The following CDH4 variants were observed in gnomAD, a reference collection of about 807,000 sequenced individuals.
The protein encoded by CDH4 is cadherin-4.
In CDH4, 33 loss-of-function variants were observed where a neutral mutation model predicts 86.0. The ratio of observed to expected loss-of-function variants is 0.38; its 90% confidence interval spans 0.29 to 0.51. The LOEUF is 0.51. Ranked by LOEUF, CDH4 falls within the 20% of genes least tolerant of loss-of-function variation. The pLI is 0.86. For synonymous variants in CDH4, 555 were observed against 549.4 expected (o/e 1.01, Z -0.14); for missense variants, 1,114 against 1,307.4 (o/e 0.85, Z 2.28).
At chr20:61,354,678 C>T (rs1417381001) in intron 2 of CDH4, among the ~76,000 whole-genome samples, 1 of 152,238 alleles carries the variant, frequency 6.6e-6, no homozygotes. Context: ...CATTGCTTGC[C>T]GTGGCTGACC....
chr20:61,274,302 G>A (rs1252228024), intron 2 of CDH4, among the ~76,000 whole-genome samples: 3 of 136,790 alleles, frequency 2.2e-5, no homozygotes, highest in African/African-American at 5.6e-5. Flanking sequence ...CAGTTTGGGG[G>A]AGTACTATGT....
In CDH4 at chr20:61,810,368, C is replaced by T. The variant is rs889946054; in HGVS notation, c.577-34300C>T. Among the ~76,000 whole-genome samples the T allele has an allele frequency of 3.3e-5, 5 of 152,356 alleles. No individual in the cohort carries two copies. The South Asian group carries it at 6.2e-4, about 19-fold the overall frequency. On this transcript the variant is annotated intron_variant, in intron 4 of 15. Coordinates refer to ENST00000614565, the MANE Select transcript of CDH4 (RefSeq NM_001794.5). This position sits in a 1 kb window ranked among gnomAD's most constrained non-coding sequence, Gnocchi z 4.3. ...GTGTCTGTGACAGAGTTCCTTGTGC[C>T]ATTACCAGGACTCTTCCCAGCAAAA...
At chr20:61,856,275 T>C (rs1403722263) in intron 6 of CDH4, among the ~76,000 whole-genome samples, 1 of 152,152 alleles carries the variant, frequency 6.6e-6, no homozygotes, top group East Asian at 1.9e-4. Context: ...AAATATTGAC[T>C]CAGCTCCAGA....
chr20:61,745,804 A>G (rs1308839758), intron 3 of CDH4, among the ~76,000 whole-genome samples: 2 of 152,168 alleles, frequency 1.3e-5, no homozygotes, highest in Admixed American at 6.5e-5. Flanking sequence ...CCCGATTGTG[A>G]GCCGAGAGCA....
At chr20:61,868,547 C>A (rs1413417078) in intron 6 of CDH4, among the ~76,000 whole-genome samples, 1 of 152,200 alleles carries the variant, frequency 6.6e-6, no homozygotes, top group Non-Finnish European at 1.5e-5. Flanking sequence ...AGGCCATAAA[C>A]CCTGCTGTCA....
chr20:61,780,289 C>A (rs1179916379), intron 4 of CDH4, among the ~76,000 whole-genome samples: 15 of 152,128 alleles, frequency 9.9e-5, no homozygotes, highest in Admixed American at 6.5e-4. Flanking sequence ...TCCCGGTGCA[C>A]CCAACACTCC....
At chr20:61,585,416 G>A (rs929234758) in intron 2 of CDH4, among the ~76,000 whole-genome samples, 3 of 152,174 alleles carry the variant, frequency 2.0e-5, no homozygotes, top group Non-Finnish European at 4.4e-5. Flanking sequence ...CTGTTTTAGG[G>A]CAGGCCTATA....
intron 4 of CDH4, among the ~76,000 whole-genome samples, chr20:61,813,087 A>G (rs1225510099): frequency 1.3e-5 from 2 of 152,218 alleles, no homozygotes; most frequent in Non-Finnish European, 2.9e-5. Context: ...TCAAACAGAG[A>G]GAGCAAGGTT....
At chr20:61,363,697 C>T (rs1218615019) in intron 2 of CDH4, among the ~76,000 whole-genome samples, 1 of 152,052 alleles carries the variant, frequency 6.6e-6, no homozygotes, top group Non-Finnish European at 1.5e-5. Flanking sequence ...GTTGCCCCTT[C>T]GAGGAGAGAA....
chr20:61,675,039 G>T (rs951276533), intron 2 of CDH4, among the ~76,000 whole-genome samples: 1 of 152,240 alleles, frequency 6.6e-6, no homozygotes, highest in East Asian at 1.9e-4. Context: ...GAAAATGCTT[G>T]CTGCCTTCTG....
At chr20:61,896,189 C>T (rs991262440) in intron 8 of CDH4, among the ~76,000 whole-genome samples, 1 of 152,188 alleles carries the variant, frequency 6.6e-6, no homozygotes, top group African/African-American at 2.4e-5. Context: ...GGGTGCAGAG[C>T]TAGCCTCTGA....
At chr20:61,376,080 T>C (rs113695988) in intron 2 of CDH4, among the ~76,000 whole-genome samples, 1 of 152,270 alleles carries the variant, frequency 6.6e-6, no homozygotes, top group Non-Finnish European at 1.5e-5. Flanking sequence ...TTGATGGTAG[T>C]GTGATGGTCT....
rs548696586 is a variant in CDH4, at chr20:61,623,876, G to A, written c.170-119687G>A. On this transcript the variant is annotated intron_variant, in intron 2 of 15. Transcript: ENST00000614565. The surrounding 1 kb of genome is among the most constrained non-coding windows in gnomAD (Gnocchi z 4.4). ...CCCAGAATCTGAGCAGGAAGGACACGGTTCCTAGAGCGAGGAACACCCCAG... is the reference window on the plus strand; with the variant it reads ...CCCAGAATCTGAGCAGGAAGGACACAGTTCCTAGAGCGAGGAACACCCCAG... Among the ~76,000 whole-genome samples the A allele has an allele frequency of 2.8e-4, 42 of 151,810 alleles. No homozygotes were observed. The highest frequency in any genetic ancestry group is 5.4e-4 in the Non-Finnish European group (37 of 67,914).
chr20:61,856,207 A>G (rs184378745), intron 6 of CDH4, among the ~76,000 whole-genome samples: 1 of 152,358 alleles, frequency 6.6e-6, no homozygotes, highest in Admixed American at 6.5e-5. Flanking sequence ...CTGGAAGGAC[A>G]GGGTAATGAA....
intron 2 of CDH4, among the ~76,000 whole-genome samples, chr20:61,325,213 T>C (rs1182669739): frequency 7.7e-6 from 1 of 130,058 alleles, no homozygotes; most frequent in Non-Finnish European, 1.7e-5. Context: ...CATAAGTAAG[T>C]GGTCACTGGA....
At chr20:61,554,037 G>T (rs960735531) in intron 2 of CDH4, among the ~76,000 whole-genome samples, 25 of 152,338 alleles carry the variant, frequency 1.6e-4, no homozygotes, top group African/African-American at 5.5e-4. Flanking sequence ...GTTCAGAGCA[G>T]GACTCCCCAG....
In CDH4 at chr20:61,508,641, C is replaced by A. The variant is rs6121658; in HGVS notation, c.170-234922C>A. Among the ~76,000 whole-genome samples the A allele has an allele frequency of 5.9e-3, 905 of 152,334 alleles. 8 individuals carry two copies. The highest frequency in any genetic ancestry group is 0.021 in the African/African-American group (872 of 41,578). ...GTGGCAGGAGGGGGCATCCAAGTGG[C>A]TTCTAAGCAGCAGTGCTGAAGGCAG... On this transcript the variant is annotated intron_variant, in intron 2 of 15. Coordinates refer to ENST00000614565, the MANE Select transcript of CDH4 (RefSeq NM_001794.5).
chr20:61,300,196 GCCA>G (rs2084378550), intron 2 of CDH4, among the ~76,000 whole-genome samples: 1 of 152,156 alleles, frequency 6.6e-6, no homozygotes, highest in Admixed American at 6.5e-5. Flanking sequence ...AGGCAGGTGT[GCCA>G]CAGCCAGGCA....
intron 4 of CDH4, among the ~76,000 whole-genome samples, chr20:61,798,610 C>A (rs985059003): frequency 6.6e-6 from 1 of 152,216 alleles, no homozygotes; most frequent in Non-Finnish European, 1.5e-5. Flanking sequence ...AATGCCACCT[C>A]GGCCAGGCCC....
Sources: gnomAD v4.1 joint callset for allele counts (sites outside exome capture counted in the v4.1 genomes callset) on GRCh38, gnomAD v4.1.1 for gene constraint, Gnocchi (gnomAD v3.1) non-coding constraint, MANE v1.5 for transcripts, NCBI Gene and HGNC (gene_info 2026-07-23, HGNC 2026-07-21) for gene names.